Variants in ARSB observed in about 807,000 individuals in gnomAD.
The protein encoded by ARSB is arylsulfatase B, also known as N-acetylgalactosamine-4-sulfatase.
A neutral mutation model predicts 50.9 loss-of-function variants in ARSB; 41 were observed. That is an observed-to-expected ratio of 0.81 (90% CI 0.63 to 1.04). The LOEUF (loss-of-function observed/expected upper bound fraction) is 1.04, where lower values mean the gene tolerates loss of function less well. Ranked by LOEUF, ARSB falls within the 50% of genes least tolerant of loss-of-function variation. The pLI is 0.00. For synonymous variants in ARSB, 269 were observed against 284.8 expected (o/e 0.94, Z 0.56); for missense variants, 672 against 693.3 (o/e 0.97, Z 0.35).
chr5:78,858,906 G>A (rs1360081264), intron 5 of ARSB, among the ~76,000 whole-genome samples: 1 of 152,142 alleles, frequency 6.6e-6, no homozygotes, highest in Non-Finnish European at 1.5e-5. Context: ...CTACAGGATA[G>A]GTTGTTATTT....
intron 4 of ARSB, among the ~76,000 whole-genome samples, chr5:78,886,047 C>G (rs186316994): frequency 1.3e-5 from 2 of 152,270 alleles, no homozygotes; most frequent in East Asian, 3.9e-4. Context: ...CCTTTAAATC[C>G]TCCATGGAGA....
chr5:78,839,828 T>A (rs1453397103), intron 5 of ARSB, among the ~76,000 whole-genome samples: 1 of 152,194 alleles, frequency 6.6e-6, no homozygotes, highest in Non-Finnish European at 1.5e-5. Flanking sequence ...GCACCAATAT[T>A]ACAGATGCAA....
chr5:78,853,703 G>T (rs181705998), intron 5 of ARSB, among the ~76,000 whole-genome samples: 1 of 152,366 alleles, frequency 6.6e-6, no homozygotes, highest in African/African-American at 2.4e-5. Context: ...GAGCTGTGGT[G>T]GGCTCCACCA....
At chr5:78,885,894 T>A in intron 4 of ARSB, 67 bp from the exon 5 acceptor site, 1 of 1,609,624 alleles carries the variant, frequency 6.2e-7, no homozygotes, top group Non-Finnish European at 8.5e-7. Flanking sequence ...GAACAGAGAC[T>A]GTATGTACAT....
intron 4 of ARSB, among the ~76,000 whole-genome samples, chr5:78,934,213 C>T (rs1354524626): frequency 6.6e-6 from 1 of 152,186 alleles, no homozygotes; most frequent in Non-Finnish European, 1.5e-5. Context: ...GTACAGTTTA[C>T]CAGCACAGAT....
chr5:78,901,785 T>C (rs1748821498), intron 4 of ARSB, among the ~76,000 whole-genome samples: 1 of 152,188 alleles, frequency 6.6e-6, no homozygotes, highest in Non-Finnish European at 1.5e-5. Context: ...ATGTCCCACA[T>C]TAGTCATCCA....
chr5:78,856,967 G>C (rs1378993920), intron 5 of ARSB, among the ~76,000 whole-genome samples: 4 of 152,140 alleles, frequency 2.6e-5, no homozygotes, highest in African/African-American at 9.7e-5. Context: ...CTTGGGTGTT[G>C]TTTTTCTCAT....
chr5:78,967,037 C>A (rs1752238628), intron 2 of ARSB, among the ~76,000 whole-genome samples: 1 of 151,890 alleles, frequency 6.6e-6, no homozygotes, highest in Admixed American at 6.6e-5. Flanking sequence ...TTGATTTTAA[C>A]CCTGAATCCA....
chr5:78,937,119 T>C (rs1212951416), intron 4 of ARSB, among the ~76,000 whole-genome samples: 2 of 151,788 alleles, frequency 1.3e-5, no homozygotes, highest in Admixed American at 6.6e-5. Context: ...GAGAGGAGCA[T>C]AAAATATAAG....
intron 4 of ARSB, among the ~76,000 whole-genome samples, chr5:78,913,814 TTTC>T (rs1198715118): frequency 5.9e-5 from 9 of 152,194 alleles, no homozygotes; most frequent in Non-Finnish European, 1.2e-4. Flanking sequence ...TCAATAATGA[TTTC>T]TTAAGATGAC....
intron 6 of ARSB, among the ~76,000 whole-genome samples, chr5:78,796,888 T>C (rs1743202335): frequency 6.8e-6 from 1 of 148,148 alleles, no homozygotes; most frequent in African/African-American, 2.5e-5. Flanking sequence ...TCTTTTTTTT[T>C]TTTTTTTGAG....
intron 6 of ARSB, among the ~76,000 whole-genome samples, chr5:78,810,124 T>C (rs544467943): frequency 1.3e-4 from 20 of 152,340 alleles, no homozygotes; most frequent in African/African-American, 4.1e-4. Flanking sequence ...CCCCGCAAGC[T>C]TCACTGGCCT....
At chr5:78,958,910 T>C (rs965606655) in intron 3 of ARSB, among the ~76,000 whole-genome samples, 1 of 152,248 alleles carries the variant, frequency 6.6e-6, no homozygotes, top group Non-Finnish European at 1.5e-5. Flanking sequence ...AACCACCACC[T>C]TGACTAATCA....
chr5:78,802,243 AC>A (rs1743419744), intron 6 of ARSB, among the ~76,000 whole-genome samples: 1 of 151,726 alleles, frequency 6.6e-6, no homozygotes, highest in Non-Finnish European at 1.5e-5. Flanking sequence ...AATCAGGGCA[AC>A]CCCTGTTCAT....
chr5:78,839,714 T>G (rs1211358206), intron 5 of ARSB, among the ~76,000 whole-genome samples: 2 of 152,186 alleles, frequency 1.3e-5, no homozygotes, highest in African/African-American at 4.8e-5. Context: ...TATTTAAACA[T>G]GACCATTTTT....
chr5:78,841,159 C>CTAATAATAATAATAATAATAATAATAA (rs1491359597), intron 5 of ARSB, among the ~76,000 whole-genome samples: 8 of 94,158 alleles, frequency 8.5e-5, no homozygotes, highest in African/African-American at 2.8e-4. Flanking sequence ...ACTACTACTA[C>CTAATAATAATAATAATAATAATAATAA]TACTACTACT....
At chr5:78,973,875 TG>T (rs1752556223) in intron 1 of ARSB, among the ~76,000 whole-genome samples, 1 of 152,166 alleles carries the variant, frequency 6.6e-6, no homozygotes, top group Non-Finnish European at 1.5e-5. Context: ...CATATCCTCA[TG>T]TGCCCACATA....
intron 6 of ARSB, among the ~76,000 whole-genome samples, chr5:78,798,036 G>A (rs1743242165): frequency 6.6e-6 from 1 of 152,164 alleles, no homozygotes; most frequent in Non-Finnish European, 1.5e-5. Context: ...TGAGAAAGCA[G>A]GAAAGGAGAT....
intron 1 of ARSB, among the ~76,000 whole-genome samples, chr5:78,974,123 G>A (rs1296191348): frequency 6.6e-6 from 1 of 152,208 alleles, no homozygotes; most frequent in African/African-American, 2.4e-5. Flanking sequence ...TCCTGGAGAT[G>A]CCCAAAGAAC....
Sources: gnomAD v4.1 joint callset for allele counts (sites outside exome capture counted in the v4.1 genomes callset) on GRCh38, gnomAD v4.1.1 for gene constraint, MANE v1.5 for transcripts, NCBI Gene and HGNC (gene_info 2026-07-23, HGNC 2026-07-21) for gene names.